TFAP2B: variants seen among roughly 807,000 people sequenced by gnomAD.
TFAP2B encodes the protein transcription factor AP-2 beta.
In TFAP2B, 9 loss-of-function variants were observed where a neutral mutation model predicts 44.3. That is an observed-to-expected ratio of 0.20 (90% confidence interval 0.12 to 0.35). The LOEUF (loss-of-function observed/expected upper bound fraction) is 0.35. TFAP2B is among the 10% of genes least tolerant of loss of function. The pLI, the probability that TFAP2B is intolerant of heterozygous loss-of-function variation, is 1.00. For missense variants in TFAP2B, 509 were observed against 600.0 expected, an observed-to-expected ratio of 0.85 and a Z score of 1.59; for synonymous variants, 270 against 263.8, an observed-to-expected ratio of 1.02 and a Z score of -0.23.
At chr6:50,835,979 C>A in intron 3 of TFAP2B, 82 bp from the exon 4 acceptor site, 2 of 1,149,174 alleles carry the variant, frequency 1.7e-6, no homozygotes, top group Non-Finnish European at 2.6e-6. Context: ...GTCCTGTGGC[C>A]TCACACAGAG....
chr6:50,836,419 C>T, intron 4 of TFAP2B, 139 bp downstream of exon 4: 2 of 809,782 alleles, frequency 2.5e-6, no homozygotes, highest in Non-Finnish European at 4.1e-6. Context: ...AACCGGGTGG[C>T]CGGAGCATTG....
chr6:50,836,530 G>A (rs1762626587), intron 4 of TFAP2B, among the ~76,000 whole-genome samples: 1 of 152,130 alleles, frequency 6.6e-6, no homozygotes, highest in African/African-American at 2.4e-5. Flanking sequence ...AAGTCCTACC[G>A]CAGATTTTGC....
chr6:50,823,461 G>T lies in TFAP2B; in HGVS notation c.136G>T (p.Val46Leu), dbSNP rs762417886. 4.3e-6 allele frequency: 7 copies of T among 1,610,850 alleles called. No individual in the cohort carries two copies. The Admixed American group carries it at 1.2e-4, about 27-fold the overall frequency. The change falls in exon 2 of 7, where the codon GTG becomes TTG. Residue 46 changes from valine (V) to leucine (L), a missense_variant. Around this residue, in one of 3 missense-constraint regions of TFAP2B, gnomAD observed 296 missense variants for 308.2 expected, o/e 0.96. Transcript: ENST00000393655. ...HSSRLSQLGS[V>L]SQGPYSSAPP... Reference sequence around the variant, plus strand: ...CTCGCGGCTCTCCCAGCTGGGCTCGGTGTCCCAAGGACCCTACTCGAGCGC... The same window carrying T: ...CTCGCGGCTCTCCCAGCTGGGCTCGTTGTCCCAAGGACCCTACTCGAGCGC...
At chr6:50,820,240 C>G (rs573359823) in intron 1 of TFAP2B, among the ~76,000 whole-genome samples, 306 of 152,316 alleles carry the variant, frequency 2.0e-3, no homozygotes, top group Non-Finnish European at 3.5e-3. Flanking sequence ...AGACACGCGA[C>G]CCCTCCGGAT....
rs747106608 is a variant in TFAP2B at position 50,836,097 on chromosome 6, T to G, written c.638T>G (p.Met213Arg). Residue 213 changes from methionine to arginine, a missense_variant, in exon 4 of 7, where the codon ATG becomes AGG. By Grantham distance (91) the Met-to-Arg change is moderately conservative. Around this residue, in one of 3 missense-constraint regions of TFAP2B, gnomAD observed 296 missense variants for 308.2 expected, o/e 0.96. Transcript: ENST00000393655. The part of the protein sequence containing the change: ...VPPKSVTSLM[M>R]NKDGFLGGMS... ...CCCAAATCGGTGACTTCTCTAATGA[T>G]GAATAAAGACGGCTTCCTGGGAGGC... 16 of 1,614,148 alleles carry G rather than the reference T, an allele frequency of 9.9e-6. No individual in the cohort carries two copies. In the Admixed American group the frequency reaches 2.7e-4, roughly 27 times the overall value.
intron 4 of TFAP2B, 53 bp downstream of exon 4, chr6:50,836,333 A>C: frequency 2.1e-6 from 3 of 1,456,230 alleles, no homozygotes; most frequent in Non-Finnish European, 2.9e-6. Context: ...ACAAAAACCC[A>C]CCAGTTTTTA....
At chr6:50,818,786 A>T (rs749242065), upstream of TFAP2B, 48 of 975,160 alleles carry the variant, frequency 4.9e-5, no homozygotes, top group Non-Finnish European at 7.1e-5. Context: ...ATAAGTTGCG[A>T]TGGGAGAGGA....
chr6:50,825,982 G>GA (rs1770492726), intron 2 of TFAP2B, among the ~76,000 whole-genome samples: 1 of 152,180 alleles, frequency 6.6e-6, no homozygotes, highest in Non-Finnish European at 1.5e-5. Context: ...GTTGACTGAT[G>GA]CAGGGCAGGT....
intron 1 of TFAP2B, among the ~76,000 whole-genome samples, chr6:50,822,487 G>C (rs935302741): frequency 1.3e-5 from 2 of 152,126 alleles, no homozygotes; most frequent in African/African-American, 4.8e-5. Flanking sequence ...GATGTTTCCA[G>C]AGAAGAGAGG....
intron 3 of TFAP2B, 90 bp from the exon 4 acceptor site, chr6:50,835,971 C>G: frequency 9.6e-7 from 1 of 1,046,742 alleles, no homozygotes; most frequent in Non-Finnish European, 1.5e-6. Flanking sequence ...TGGTGTCTGT[C>G]CTGTGGCCTC....
Position 50,846,165 on chromosome 6 carries a change from C to T in TFAP2B, c.*2773C>T, listed in dbSNP as rs1762845243. On this transcript the variant is annotated 3_prime_UTR_variant, in exon 7 of 7. Transcript: ENST00000393655. Reference sequence around the variant, plus strand: ...GCCAGACGCCCTCATTTGTGTGTTCCTCCTTGCTCCAGCGAGATAGAACCT... The same window carrying T: ...GCCAGACGCCCTCATTTGTGTGTTCTTCCTTGCTCCAGCGAGATAGAACCT... 6.6e-6 allele frequency: 1 copy of T among 152,362 alleles called. No homozygotes were observed. The highest frequency in any genetic ancestry group is 1.5e-5 in the Non-Finnish European group (1 of 68,058). The allele number at this position is 152,362 out of a possible 1,614,324, so 9.4% of individuals were successfully genotyped here.
chr6:50,837,687 A>G (rs1762649594), intron 4 of TFAP2B, among the ~76,000 whole-genome samples: 1 of 152,062 alleles, frequency 6.6e-6, no homozygotes, highest in Non-Finnish European at 1.5e-5. Context: ...TGCAGCTTCT[A>G]CCTTCTCTAG....
intron 4 of TFAP2B, 62 bp downstream of exon 4, chr6:50,836,342 T>C: frequency 7.1e-7 from 1 of 1,405,736 alleles, no homozygotes; most frequent in Non-Finnish European, 9.9e-7. Flanking sequence ...CACCAGTTTT[T>C]ATTTATTGGA....
intron 2 of TFAP2B, among the ~76,000 whole-genome samples, chr6:50,825,677 C>T (rs1216308370): frequency 6.6e-6 from 1 of 152,100 alleles, no homozygotes; most frequent in Admixed American, 6.6e-5. Flanking sequence ...CGGAGCACCT[C>T]GGGGCCAAGT....
At position 50,846,995 on chromosome 6, in the gene TFAP2B, T is replaced by C. The variant is rs1259970207; in HGVS notation, c.*3603T>C. The C allele has an allele frequency of 6.6e-6, 1 of 151,434 alleles. No homozygotes were observed. The highest frequency in any genetic ancestry group is 2.4e-5 in the African/African-American group (1 of 40,930). 9.4% of individuals were successfully genotyped at this position (151,434 alleles called of 1,614,324 possible). On this transcript the variant is annotated 3_prime_UTR_variant, in exon 7 of 7. Coordinates refer to ENST00000393655, the MANE Select transcript of TFAP2B (RefSeq NM_003221.4). Reference sequence around the variant, plus strand: ...AATGGAAAACTCGAAACCTCGAGCTTATCTACACACTGTTCCTCTGCTACA... The same window carrying C: ...AATGGAAAACTCGAAACCTCGAGCTCATCTACACACTGTTCCTCTGCTACA...
rs753571145 is a variant in TFAP2B, at chr6:50,823,507, C to A, written c.182C>A (p.Pro61Gln). The A allele has an allele frequency of 6.2e-7, 1 of 1,613,726 alleles. No individual in the cohort carries two copies. Among genetic ancestry groups the A allele is most frequent in the African/African-American group, 1.3e-5 (1 of 74,992 alleles). The change falls in exon 2 of 7, where the codon CCG becomes CAG. Residue 61 changes from proline to glutamine, a missense_variant. Physicochemically the swap from Pro to Gln is moderately conservative, Grantham distance 76. Transcript: ENST00000393655. Reference sequence around the variant, plus strand: ...AGCGCCCCGCCGCTGTCCCACACCCCGTCGTCGGACTTCCAGCCGCCCTAC... The same window carrying A: ...AGCGCCCCGCCGCTGTCCCACACCCAGTCGTCGGACTTCCAGCCGCCCTAC... ...YSSAPPLSHTPSSDFQPPYFP... is the reference protein window; with the variant it reads ...YSSAPPLSHTQSSDFQPPYFP...
intron 2 of TFAP2B, among the ~76,000 whole-genome samples, chr6:50,826,260 C>T (rs1207863359): frequency 1.3e-5 from 2 of 152,078 alleles, no homozygotes; most frequent in African/African-American, 4.8e-5. Flanking sequence ...TCACTTGTTC[C>T]GATCTCAAGG....
intron 2 of TFAP2B, among the ~76,000 whole-genome samples, chr6:50,826,729 C>T (rs1248202539): frequency 6.6e-6 from 1 of 152,038 alleles, no homozygotes; most frequent in Non-Finnish European, 1.5e-5. Flanking sequence ...TTCTTCTTCC[C>T]ACCTTTGCTC....
chr6:50,838,894 C>T (rs1173691904), intron 5 of TFAP2B, among the ~76,000 whole-genome samples: 1 of 152,088 alleles, frequency 6.6e-6, no homozygotes, highest in Non-Finnish European at 1.5e-5. Flanking sequence ...GCTTGTAGGT[C>T]TTGTGTTTTA....
Sources: allele counts gnomAD v4.1 joint callset (sites outside exome capture counted in the v4.1 genomes callset), GRCh38; gene constraint gnomAD v4.1.1; regional missense constraint gnomAD v4.1.1; transcripts MANE v1.5; gene names NCBI Gene and HGNC (gene_info 2026-07-23, HGNC 2026-07-21).